The following ITGAX variants were observed in gnomAD, a reference collection of about 807,000 sequenced individuals.
The protein encoded by ITGAX is integrin subunit alpha X.
A neutral mutation model predicts 140.2 loss-of-function variants in ITGAX; 99 were observed. The observed-to-expected ratio is 0.71, with a 90% CI of 0.60 to 0.83. ITGAX has a LOEUF of 0.83. ITGAX is among the 40% of genes least tolerant of loss of function. ITGAX has a pLI of 0.00. For missense variants in ITGAX, 1,444 were observed against 1,482.0 expected (o/e 0.97, Z 0.42); for synonymous variants, 631 against 600.4 (o/e 1.05, Z -0.75).
chr16:31,374,646 T>C (rs1357840407), intron 20 of ITGAX, among the ~76,000 whole-genome samples: 1 of 152,176 alleles, frequency 6.6e-6, no homozygotes, highest in Non-Finnish European at 1.5e-5. Context: ...CTTACCATGC[T>C]GCCCAAACTG....
Position 31,360,023 on chromosome 16 carries a change from T to A in ITGAX, c.665T>A (p.Leu222Gln), listed in dbSNP as rs2080805396. ...PLSLLASVHQ[L>Q]QGFTYTATAI... ...AGCCTGTTGGCTTCTGTTCACCAGCTGCAAGGGTTTACATACACGGCCACC... is the reference window on the plus strand; with the variant it reads ...AGCCTGTTGGCTTCTGTTCACCAGCAGCAAGGGTTTACATACACGGCCACC... Residue 222 changes from leucine (L) to glutamine (Q), a missense_variant, in exon 7 of 30, where the codon CTG becomes CAG. Coordinates refer to ENST00000268296, the MANE Select transcript of ITGAX (RefSeq NM_000887.5). 1.2e-6 allele frequency: 2 copies of A among 1,613,496 alleles called. No homozygotes were observed. Among genetic ancestry groups the A allele is most frequent in the African/African-American group, 1.3e-5 (1 of 75,068 alleles).
chr16:31,360,946 T>A, intron 8 of ITGAX, 117 bp from the exon 9 acceptor site: 3 of 984,858 alleles, frequency 3.0e-6, no homozygotes, highest in Non-Finnish European at 3.1e-6. Context: ...GTGTTTCTCC[T>A]GTGTCCACCG....
Position 31,372,915 on chromosome 16 carries a change from A to AGAC in ITGAX, c.2366+245_2366+246insGAC, listed in dbSNP as rs1555477764. Among the ~76,000 whole-genome samples the AGAC allele has an allele frequency of 4.0e-5, 6 of 149,534 alleles. No individual in the cohort carries two copies. In the South Asian group the frequency reaches 6.4e-4, roughly 16 times the overall value. On this transcript the variant is annotated intron_variant, in intron 19 of 29. Transcript: ENST00000268296. ...GCGAGATCCCATTTCCACAAAAACA[A>AGAC]AACAACAACAACAACAACAACAACA...
chr16:31,378,254 T>A (rs932869066), intron 23 of ITGAX, among the ~76,000 whole-genome samples: 16 of 152,098 alleles, frequency 1.1e-4, no homozygotes, highest in Non-Finnish European at 2.1e-4. Context: ...TAGCATTTGG[T>A]CAACAGCGTC....
chr16:31,360,268 G>T, intron 7 of ITGAX, 42 bp from the exon 8 acceptor site: 1 of 1,570,322 alleles, frequency 6.4e-7, no homozygotes, highest in Non-Finnish European at 8.6e-7. Context: ...GGGCTAGTGT[G>T]GTTTGGTTCA....
At position 31,361,864 on chromosome 16, in the gene ITGAX, C is replaced by A; in HGVS notation, c.1041C>A (p.Phe347Leu). 1 of 1,614,010 alleles carries A rather than the reference C, an allele frequency of 6.2e-7. No homozygotes were observed. Among genetic ancestry groups the A allele is most frequent in the Non-Finnish European group, 8.5e-7 (1 of 1,179,988 alleles). The change falls in exon 10 of 30, where the codon TTC becomes TTA. Residue 347 changes from phenylalanine (F) to leucine (L), a missense_variant. By Grantham distance (22) the Phe-to-Leu change is conservative (BLOSUM62 0). Coordinates refer to ENST00000268296, the MANE Select transcript of ITGAX (RefSeq NM_000887.5). ...CGGAGACCACAAGCAGTAGCTCCTT[C>A]GAATTGGAGATGGCACAGGAGGGCT... is the stretch of plus-strand genomic sequence containing the variant. Reference protein sequence around the residue: ...EGTETTSSSSFELEMAQEGFS... With the variant: ...EGTETTSSSSLELEMAQEGFS...
intron 19 of ITGAX, 36 bp from the exon 20 acceptor site, chr16:31,373,213 A>G: frequency 1.3e-6 from 2 of 1,567,324 alleles, no homozygotes; most frequent in South Asian, 2.3e-5. Flanking sequence ...CCTCAGTCAC[A>G]GAATCATCTT....
chr16:31,377,317 A>AAT, intron 23 of ITGAX, 52 bp downstream of exon 23: 121 of 1,370,996 alleles, frequency 8.8e-5, no homozygotes, highest in Non-Finnish European at 1.1e-4. Flanking sequence ...TGACCTCAAA[A>AAT]AGAAAAAAAA....
At chr16:31,355,803 G>C in intron 1 of ITGAX, 90 bp from the exon 2 acceptor site, 1 of 963,488 alleles carries the variant, frequency 1.0e-6, no homozygotes, top group Non-Finnish European at 1.6e-6. Context: ...CAGGCTCGGA[G>C]GGGAGATTGG....
intron 2 of ITGAX, 175 bp downstream of exon 2, chr16:31,356,173 C>T: frequency 1.8e-6 from 1 of 562,928 alleles, no homozygotes; most frequent in Middle Eastern, 4.6e-4. Context: ...CTAACATTTA[C>T]AGAGCAGTAA....
At position 31,362,592 on chromosome 16, in the gene ITGAX, T is replaced by A. The variant is rs1164314695; in HGVS notation, c.1217-19T>A. On this transcript the variant is annotated intron_variant, in intron 11 of 29. Transcript: ENST00000268296. ...GGAGGGGGAATGGGGGCCTTTGTGC[T>A]GAGGCCTGGGCCCCTCAGGTTACTC... The A allele has an allele frequency of 6.2e-7, 1 of 1,605,602 alleles. No homozygotes were observed. The highest frequency in any genetic ancestry group is 8.5e-7 in the Non-Finnish European group (1 of 1,176,900).
chr16:31,356,215 T>C (rs1431175515), intron 2 of ITGAX: 5 of 512,760 alleles, frequency 9.8e-6, no homozygotes, highest in Non-Finnish European at 1.7e-5. Flanking sequence ...AGGTGGATGC[T>C]GATTTAGTCC....
chr16:31,356,474 C>G, intron 2 of ITGAX, 151 bp from the exon 3 acceptor site: 2 of 600,440 alleles, frequency 3.3e-6, no homozygotes, highest in Non-Finnish European at 6.1e-6. Context: ...ATCCAACAGA[C>G]AGAAATCCCT....
At position 31,359,704 on chromosome 16, in the gene ITGAX, C is replaced by A. The variant is rs2080800474; in HGVS notation, c.435C>A (p.Cys145Ter). Residue 145 changes from cysteine to a stop codon, truncating the protein, a stop_gained, in exon 6 of 30, where the codon TGC becomes TGA. Coordinates refer to ENST00000268296, the MANE Select transcript of ITGAX (RefSeq NM_000887.5). LOFTEE classifies it high-confidence loss of function. ...CGGTGCCACCTCCTTCCCCAGAGTG[C>A]CCAAGACAGGAGCAGGACATTGTGT... ...TQRLPVSRQE[C>*]PRQEQDIVFL... The A allele has an allele frequency of 6.2e-7, 1 of 1,613,846 alleles. No homozygotes were observed. Among genetic ancestry groups the A allele is most frequent in the Non-Finnish European group, 8.5e-7 (1 of 1,179,960 alleles).
intron 14 of ITGAX, among the ~76,000 whole-genome samples, chr16:31,365,771 A>G (rs2080886592): frequency 6.6e-6 from 1 of 152,126 alleles, no homozygotes; most frequent in South Asian, 2.1e-4. Context: ...CAAAATACAA[A>G]AATTAGTTGT....
Position 31,373,068 on chromosome 16 carries a change from G to A in ITGAX, c.2367-181G>A, listed in dbSNP as rs546362871. 3.2e-4 allele frequency among the ~76,000 whole-genome samples: 48 copies of A among 151,232 alleles called. No homozygotes were observed. The South Asian group carries it at 7.7e-3, about 24-fold the overall frequency. ...TAATCACACCACTGCACTCCAGCCT[G>A]GGTGAAAGAGCAGGACTCTGTCTCT... On this transcript the variant is annotated intron_variant, in intron 19 of 29. Coordinates refer to ENST00000268296, the MANE Select transcript of ITGAX (RefSeq NM_000887.5).
At position 31,359,726 on chromosome 16, in the gene ITGAX, G is replaced by T. The variant is rs549906598; in HGVS notation, c.457G>T (p.Val153Leu). The T allele has an allele frequency of 2.5e-6, 4 of 1,614,176 alleles. No individual in the cohort carries two copies. The South Asian group carries it at 4.4e-5, about 18-fold the overall frequency. The change falls in exon 6 of 30, where the codon GTG (valine) becomes TTG (leucine). Residue 153 changes from valine (V) to leucine (L), a missense_variant. Transcript: ENST00000268296. ...QECPRQEQDI[V>L]FLIDGSGSIS... ...GTGCCCAAGACAGGAGCAGGACATT[G>T]TGTTCCTGATCGATGGCTCAGGCAG...
Position 31,372,656 on chromosome 16 carries a change from C to T in ITGAX, c.2352C>T (p.Ser784=), listed in dbSNP as rs939556989. The change falls in exon 19 of 30, where the codon TCC becomes TCT. Residue 784 remains serine (S), a synonymous_variant. Transcript: ENST00000268296. ...TCTGCCAGGACAATCTCGGCATCTC[C>T]TTCAGCTTCCCAGGGTGAGCGCCCC... ...DHICQDNLGI[S]FSFPGLKSLL... is the part of the protein sequence containing the mutation. 2 of 1,613,938 alleles carry T rather than the reference C, an allele frequency of 1.2e-6. No homozygotes were observed. Among genetic ancestry groups the T allele is most frequent in the African/African-American group, 2.7e-5 (2 of 74,918 alleles).
chr16:31,372,682 CACCTTAG>C lies in ITGAX; in HGVS notation c.2366+17_2366+23del. Reference sequence around the variant, plus strand: ...TTCAGCTTCCCAGGGTGAGCGCCCCCACCTTAGACCTGCCCTACTGCCCCAGCCTCCT... The same window carrying C: ...TTCAGCTTCCCAGGGTGAGCGCCCCCACCTGCCCTACTGCCCCAGCCTCCT... On this transcript the variant is annotated intron_variant, in intron 19 of 29. Coordinates refer to ENST00000268296, the MANE Select transcript of ITGAX (RefSeq NM_000887.5). The C allele has an allele frequency of 6.2e-7, 1 of 1,612,210 alleles. No homozygotes were observed. Among genetic ancestry groups the C allele is most frequent in the Non-Finnish European group, 8.5e-7 (1 of 1,178,630 alleles).
Sources: allele counts gnomAD v4.1 joint callset (sites outside exome capture counted in the v4.1 genomes callset), GRCh38; gene constraint gnomAD v4.1.1; transcripts MANE v1.5; gene names NCBI Gene and HGNC (gene_info 2026-07-23, HGNC 2026-07-21).